The following UBAC2 variants were observed in gnomAD, a reference collection of about 807,000 sequenced individuals.
The protein encoded by UBAC2 is ubiquitin-associated domain-containing protein 2.
Under a neutral mutation model 44.0 loss-of-function variants are expected in UBAC2, and 26 were observed. That is an observed-to-expected ratio of 0.59 (90% CI 0.43 to 0.82). The LOEUF (loss-of-function observed/expected upper bound fraction) is 0.82, where lower values mean the gene tolerates loss of function less well. Among genes scored for constraint, UBAC2 ranks in the 40% least tolerant of loss-of-function variants. UBAC2 has a pLI of 0.00. For synonymous variants in UBAC2, 155 were observed against 154.3 expected, an observed-to-expected ratio of 1.00 and a Z score of -0.04; for missense variants, 329 against 419.4, an observed-to-expected ratio of 0.78 and a Z score of 1.88.
intron 4 of UBAC2, among the ~76,000 whole-genome samples, chr13:99,245,105 G>A (rs992020762): frequency 6.6e-6 from 1 of 152,138 alleles, no homozygotes; most frequent in African/African-American, 2.4e-5. Context: ...AAGTGCTTGA[G>A]CCACTGTGTG....
At chr13:99,309,294 A>G (rs994166617) in intron 4 of UBAC2, among the ~76,000 whole-genome samples, 3 of 151,312 alleles carry the variant, frequency 2.0e-5, no homozygotes, top group African/African-American at 7.3e-5. Context: ...TATTTTTAGT[A>G]GAGACAAGGT....
At chr13:99,252,011 C>T (rs1462835953) in intron 4 of UBAC2, among the ~76,000 whole-genome samples, 2 of 152,252 alleles carry the variant, frequency 1.3e-5, no homozygotes, top group Admixed American at 1.3e-4. Flanking sequence ...AGTCCTCCCA[C>T]CTCAGCCTCC....
rs1165930533 is a variant in UBAC2, at chr13:99,295,838, A to C, written c.390-18259A>C. On this transcript the variant is annotated intron_variant, in intron 4 of 8. Coordinates refer to ENST00000403766, the MANE Select transcript of UBAC2 (RefSeq NM_001144072.2). The surrounding 1 kb of genome is among the most constrained non-coding windows in gnomAD (Gnocchi z 4.1). ...AAACACTAGCGCAGTTATCCTACAC[A>C]AGGCATCTCCGATTCTCCAGTCAAA... is the stretch of plus-strand genomic sequence containing the variant. 1.2e-6 allele frequency: 2 copies of C among 1,606,510 alleles called. No individual in the cohort carries two copies. The highest frequency in any genetic ancestry group is 1.7e-6 in the Non-Finnish European group (2 of 1,175,080).
chr13:99,209,595 G>C (rs187056088), intron 1 of UBAC2, among the ~76,000 whole-genome samples: 1 of 152,022 alleles, frequency 6.6e-6, no homozygotes, highest in Admixed American at 6.6e-5. Flanking sequence ...TGAACAGCTC[G>C]TTTACTCTTG....
At chr13:99,348,981 A>G (rs894698416) in intron 7 of UBAC2, among the ~76,000 whole-genome samples, 1 of 152,210 alleles carries the variant, frequency 6.6e-6, no homozygotes, top group Non-Finnish European at 1.5e-5. Flanking sequence ...AAAAGAAAAG[A>G]AAAGGTGACA....
chr13:99,234,561 G>A (rs764398987), intron 1 of UBAC2, among the ~76,000 whole-genome samples: 9 of 152,218 alleles, frequency 5.9e-5, no homozygotes, highest in Non-Finnish European at 8.8e-5. Flanking sequence ...GTCAGATGAA[G>A]TGACTGAAGC....
At chr13:99,366,081 C>T (rs952849499) in intron 7 of UBAC2, among the ~76,000 whole-genome samples, 2 of 152,058 alleles carry the variant, frequency 1.3e-5, no homozygotes, top group African/African-American at 4.8e-5. Flanking sequence ...TTGTGTACGT[C>T]TTTATATTTT....
intron 4 of UBAC2, among the ~76,000 whole-genome samples, chr13:99,272,282 T>A (rs2043825522): frequency 6.6e-6 from 1 of 152,202 alleles, no homozygotes; most frequent in South Asian, 2.1e-4. Flanking sequence ...ATTAGAGAAA[T>A]TTTTAAGCAT....
At chr13:99,311,767 C>T (rs1050419666) in intron 4 of UBAC2, among the ~76,000 whole-genome samples, 9 of 152,204 alleles carry the variant, frequency 5.9e-5, no homozygotes, top group African/African-American at 2.2e-4. Flanking sequence ...ATGTAGTGAG[C>T]TCCTAAACTG....
At chr13:99,254,805 A>G in intron 4 of UBAC2, 1 of 1,156,360 alleles carries the variant, frequency 8.6e-7, no homozygotes, top group Non-Finnish European at 1.2e-6. Context: ...AGTATTATAC[A>G]GAATATCCAT....
chr13:99,342,397 CAG>C (rs1164957489), intron 7 of UBAC2, among the ~76,000 whole-genome samples: 1 of 152,134 alleles, frequency 6.6e-6, no homozygotes, highest in Non-Finnish European at 1.5e-5. Flanking sequence ...GGGTGGGAGA[CAG>C]TGTGTTCCAT....
intron 8 of UBAC2, chr13:99,372,445 A>G (rs2045419335): frequency 6.5e-6 from 1 of 153,634 alleles, no homozygotes; most frequent in Non-Finnish European, 1.5e-5. Context: ...AATGCCCCCC[A>G]AAGACCACTG....
chr13:99,293,479 T>G (rs2044122309), intron 4 of UBAC2, among the ~76,000 whole-genome samples: 1 of 152,212 alleles, frequency 6.6e-6, no homozygotes, highest in Non-Finnish European at 1.5e-5. Context: ...TCTTTAGAGA[T>G]CCAACTCAGA....
chr13:99,238,207 A>G (rs1000908350), intron 1 of UBAC2, among the ~76,000 whole-genome samples: 2 of 152,184 alleles, frequency 1.3e-5, no homozygotes, highest in East Asian at 1.9e-4. Context: ...CCAACTGGCA[A>G]TGAAGCCCTG....
At chr13:99,259,972 T>C (rs546511551) in intron 4 of UBAC2, among the ~76,000 whole-genome samples, 1 of 152,222 alleles carries the variant, frequency 6.6e-6, no homozygotes, top group East Asian at 1.9e-4. Context: ...TGGCTTCAGG[T>C]TGGGGTGAGC....
intron 7 of UBAC2, among the ~76,000 whole-genome samples, chr13:99,343,637 A>C (rs2044927927): frequency 6.6e-6 from 1 of 152,240 alleles, no homozygotes. Context: ...TCTGCTGGGC[A>C]GCACAGACCA....
intron 8 of UBAC2, 115 bp from the exon 9 acceptor site, chr13:99,385,112 GT>G (rs2138940517): frequency 4.1e-6 from 3 of 740,256 alleles, no homozygotes; most frequent in South Asian, 1.7e-5. Flanking sequence ...ATGAAAATTG[GT>G]TTTTTTGTAA....
At chr13:99,288,373 G>A (rs567429309) in intron 4 of UBAC2, among the ~76,000 whole-genome samples, 235 of 152,286 alleles carry the variant, frequency 1.5e-3, no homozygotes, top group Middle Eastern at 3.4e-3. Flanking sequence ...ATGTCTAAGA[G>A]CATTACTAAC....
chr13:99,291,594 C>T (rs2044089881), intron 4 of UBAC2, among the ~76,000 whole-genome samples: 1 of 152,254 alleles, frequency 6.6e-6, no homozygotes, highest in South Asian at 2.1e-4. Flanking sequence ...CACTGTCTGC[C>T]CTTGCCTCTT....
Sources: gnomAD v4.1 joint callset for allele counts (sites outside exome capture counted in the v4.1 genomes callset) on GRCh38, gnomAD v4.1.1 for gene constraint, Gnocchi (gnomAD v3.1) non-coding constraint, MANE v1.5 for transcripts, NCBI Gene and HGNC (gene_info 2026-07-23, HGNC 2026-07-21) for gene names.